Variants in MARCHF1 observed in about 807,000 individuals in gnomAD.
MARCHF1 encodes the protein E3 ubiquitin-protein ligase MARCHF1.
MARCHF1 carries 40 observed loss-of-function variants against 54.2 expected under a neutral mutation model. The ratio of observed to expected loss-of-function variants is 0.74; its 90% CI spans 0.57 to 0.96. The LOEUF is 0.96. Among genes scored for constraint, MARCHF1 ranks in the 40% least tolerant of loss-of-function variants. The probability of loss-of-function intolerance (pLI) is 0.00; values close to 1 mark genes in which losing one functional copy is unlikely to be tolerated. For synonymous variants in MARCHF1, 236 were observed against 236.3 expected, an observed-to-expected ratio of 1.00 and a Z score of 0.01; for missense variants, 586 against 656.5, an observed-to-expected ratio of 0.89 and a Z score of 1.17.
Position 164,368,427 on chromosome 4 carries a change from T to C in MARCHF1, c.-323+15443A>G, listed in dbSNP as rs183233781. Among the ~76,000 whole-genome samples the C allele has an allele frequency of 2.6e-5, 4 of 152,022 alleles. No individual in the cohort carries two copies. In the East Asian group the frequency reaches 7.7e-4, roughly 29 times the overall value. ...CTTAAAATACACCAATACTAGAAGG[T>C]TTTATAGGGAAGTTTTGCTGAACAT... is the stretch of plus-strand genomic sequence containing the variant. On this transcript the variant is annotated intron_variant, in intron 1 of 9. Transcript: ENST00000514618.
intron 4 of MARCHF1, among the ~76,000 whole-genome samples, chr4:163,708,104 T>G (rs1470786125): frequency 6.6e-6 from 1 of 151,704 alleles, no homozygotes; most frequent in Non-Finnish European, 1.5e-5. Flanking sequence ...AATCCCCCCC[T>G]GTAGCAGCAG....
intron 3 of MARCHF1, among the ~76,000 whole-genome samples, chr4:163,907,527 A>T (rs1222157683): frequency 6.6e-6 from 1 of 152,122 alleles, no homozygotes; most frequent in Non-Finnish European, 1.5e-5. Context: ...AGAATAAAAC[A>T]TTTCATTCTA....
chr4:164,016,218 AC>A (rs1192669930), intron 2 of MARCHF1, among the ~76,000 whole-genome samples: 2 of 152,188 alleles, frequency 1.3e-5, no homozygotes, highest in Non-Finnish European at 2.9e-5. Context: ...CAGGAAACTT[AC>A]AATTATGGCA....
chr4:163,850,416 C>A (rs971360208), intron 4 of MARCHF1, among the ~76,000 whole-genome samples: 3 of 152,186 alleles, frequency 2.0e-5, no homozygotes, highest in African/African-American at 4.8e-5. Context: ...GTTTTTACTT[C>A]TTCAGACATT....
At chr4:163,573,887 C>A in intron 8 of MARCHF1, among the ~76,000 whole-genome samples, 2 of 150,694 alleles carry the variant, frequency 1.3e-5, no homozygotes, top group Non-Finnish European at 3.0e-5. Flanking sequence ...GGAATCGCCA[C>A]ACTGACTTCC....
At chr4:164,152,444 G>T (rs1213296785) in intron 1 of MARCHF1, among the ~76,000 whole-genome samples, 1 of 151,996 alleles carries the variant, frequency 6.6e-6, no homozygotes, top group Non-Finnish European at 1.5e-5. Context: ...TCATCAGATG[G>T]GTTTTATTTG....
chr4:163,584,853 C>A (rs1740355206), intron 8 of MARCHF1: 1 of 152,172 alleles, frequency 6.6e-6, no homozygotes, highest in Admixed American at 6.5e-5. Flanking sequence ...ATAAAAAAAG[C>A]AACTCTGGGA....
chr4:164,080,648 T>TTGTGTGTG (rs199734198), intron 2 of MARCHF1, among the ~76,000 whole-genome samples: 6 of 150,010 alleles, frequency 4.0e-5, no homozygotes, highest in African/African-American at 1.5e-4. Context: ...TAGTATTCTA[T>TTGTGTGTG]TGTGTGTGTG....
chr4:164,174,043 T>C (rs915555853), intron 1 of MARCHF1, among the ~76,000 whole-genome samples: 8 of 152,214 alleles, frequency 5.3e-5, no homozygotes, highest in Non-Finnish European at 1.2e-4. Flanking sequence ...ACAAACTTTC[T>C]AAAACGTGTC....
chr4:163,971,911 C>T (rs918501646), intron 3 of MARCHF1, among the ~76,000 whole-genome samples: 8 of 152,202 alleles, frequency 5.3e-5, no homozygotes, highest in Middle Eastern at 3.4e-3. Flanking sequence ...ATGTTTACTG[C>T]GGCACTATTC....
intron 4 of MARCHF1, among the ~76,000 whole-genome samples, chr4:163,852,399 A>AT (rs1346334747): frequency 6.6e-6 from 1 of 152,074 alleles, no homozygotes. Context: ...AGAAGCAGTA[A>AT]TTTTTTCTTA....
At chr4:163,889,279 T>C (rs540035363) in intron 3 of MARCHF1, among the ~76,000 whole-genome samples, 1 of 152,262 alleles carries the variant, frequency 6.6e-6, no homozygotes, top group South Asian at 2.1e-4. Flanking sequence ...TCCTACAAAG[T>C]AGATATTCTT....
At chr4:163,674,911 TG>T (rs1165869635) in intron 5 of MARCHF1, among the ~76,000 whole-genome samples, 1 of 152,166 alleles carries the variant, frequency 6.6e-6, no homozygotes, top group African/African-American at 2.4e-5. Context: ...TGGATATACT[TG>T]AAGAATATAT....
intron 1 of MARCHF1, among the ~76,000 whole-genome samples, chr4:164,116,900 T>C (rs775860750): frequency 2.0e-5 from 3 of 152,094 alleles, no homozygotes; most frequent in Non-Finnish European, 2.9e-5. Context: ...TGAATTCTAT[T>C]GTTAGCCCAT....
At chr4:164,127,165 T>C (rs1466618566) in intron 1 of MARCHF1, among the ~76,000 whole-genome samples, 2 of 152,236 alleles carry the variant, frequency 1.3e-5, no homozygotes, top group East Asian at 3.8e-4. Flanking sequence ...ATTGAGTTTC[T>C]GTCCTCGTGT....
At chr4:164,032,262 A>G (rs1475935329) in intron 2 of MARCHF1, among the ~76,000 whole-genome samples, 1 of 151,812 alleles carries the variant, frequency 6.6e-6, no homozygotes, top group Non-Finnish European at 1.5e-5. Context: ...TACCTATTAT[A>G]TTAATTATTT....
chr4:164,187,726 C>T (rs17044729), intron 1 of MARCHF1, among the ~76,000 whole-genome samples: 4 of 152,116 alleles, frequency 2.6e-5, no homozygotes, highest in Non-Finnish European at 4.4e-5. Context: ...ATCAATACAA[C>T]GTTTTTAGTA....
chr4:163,712,306 C>G (rs1745129429), intron 4 of MARCHF1, among the ~76,000 whole-genome samples: 1 of 152,126 alleles, frequency 6.6e-6, no homozygotes, highest in Non-Finnish European at 1.5e-5. Flanking sequence ...GGGTCACACA[C>G]ACAAGTGTAT....
At chr4:164,017,336 A>G (rs546804678) in intron 2 of MARCHF1, among the ~76,000 whole-genome samples, 6 of 152,084 alleles carry the variant, frequency 3.9e-5, no homozygotes, top group Non-Finnish European at 7.4e-5. Context: ...AAAGGAAGTA[A>G]AAGCTATGCT....
Sources: allele counts gnomAD v4.1 joint callset (sites outside exome capture counted in the v4.1 genomes callset), GRCh38; gene constraint gnomAD v4.1.1; transcripts MANE v1.5; gene names NCBI Gene and HGNC (gene_info 2026-07-23, HGNC 2026-07-21).